Variants in DTX1 observed in about 807,000 individuals in gnomAD.
DTX1 encodes deltex E3 ubiquitin ligase 1.
Under a neutral mutation model 57.8 loss-of-function variants are expected in DTX1, and 26 were observed. The observed-to-expected ratio is 0.45, with a 90% CI of 0.33 to 0.62. The LOEUF is 0.62. DTX1 is among the 20% of genes least tolerant of loss of function. The probability of loss-of-function intolerance (pLI) is 0.02; values close to 1 mark genes in which losing one functional copy is unlikely to be tolerated. For synonymous variants in DTX1, 398 were observed against 394.1 expected (o/e 1.01, Z -0.12); for missense variants, 704 against 895.3 (o/e 0.79, Z 2.73).
At chr12:113,068,061 T>C (rs2044715756) in intron 2 of DTX1, among the ~76,000 whole-genome samples, 2 of 152,004 alleles carry the variant, frequency 1.3e-5, no homozygotes, top group Non-Finnish European at 2.9e-5. Context: ...AATAAATAAA[T>C]ACAGGTCACT....
At chr12:113,074,970 G>C (rs2044760618) in intron 2 of DTX1, among the ~76,000 whole-genome samples, 1 of 152,180 alleles carries the variant, frequency 6.6e-6, no homozygotes, top group Non-Finnish European at 1.5e-5. Context: ...GAGCAGAGCT[G>C]AGTTCAAGGT....
At chr12:113,087,117 G>C (rs908492680) in intron 3 of DTX1, among the ~76,000 whole-genome samples, 1 of 116,330 alleles carries the variant, frequency 8.6e-6, no homozygotes, top group Non-Finnish European at 2.0e-5. Flanking sequence ...CTGGAGGACC[G>C]GGAGGGTTGA....
intron 3 of DTX1, among the ~76,000 whole-genome samples, chr12:113,082,615 G>A (rs541892823): frequency 1.2e-4 from 18 of 152,188 alleles, no homozygotes; most frequent in African/African-American, 3.6e-4. Context: ...TGTTTTTAGA[G>A]ACAGAGCCTC....
At chr12:113,068,784 G>T (rs775561467) in intron 2 of DTX1, among the ~76,000 whole-genome samples, 7 of 152,236 alleles carry the variant, frequency 4.6e-5, no homozygotes, top group Admixed American at 3.3e-4. Context: ...ACATTGCAAA[G>T]GGTGGACACT....
intron 3 of DTX1, among the ~76,000 whole-genome samples, chr12:113,086,185 T>G (rs1191013761): frequency 6.6e-6 from 1 of 151,770 alleles, no homozygotes; most frequent in African/African-American, 2.4e-5. Flanking sequence ...GGAGGATCCC[T>G]TGAGCCCAGG....
At chr12:113,064,758 G>A (rs1476681203) in intron 2 of DTX1, among the ~76,000 whole-genome samples, 1 of 152,218 alleles carries the variant, frequency 6.6e-6, no homozygotes. Flanking sequence ...TAAAAGCTTG[G>A]AGGATACTAC....
intron 3 of DTX1, among the ~76,000 whole-genome samples, chr12:113,082,409 G>A (rs1043651741): frequency 6.6e-6 from 1 of 152,186 alleles, no homozygotes; most frequent in African/African-American, 2.4e-5. Context: ...AGGGGTGGCA[G>A]ACCCTGGCTT....
Position 113,095,177 on chromosome 12 carries a change from G to A in DTX1, c.1522G>A (p.Val508Ile), listed in dbSNP as rs762364786. ...CCCTGATACCCAGACCATCCGCATC[G>A]TCTATGACATCCCCACAGGCATCCA... is the stretch of plus-strand genomic sequence containing the variant. ...GFPDTQTIRI[V>I]YDIPTGIQGP... Residue 508 changes from valine to isoleucine, a missense_variant, in exon 8 of 10, where the codon GTC becomes ATC. By Grantham distance (29) the Val-to-Ile change is conservative. Coordinates refer to ENST00000548759, the MANE Select transcript of DTX1 (RefSeq NM_004416.3). 10 of 1,609,098 alleles carry A rather than the reference G, an allele frequency of 6.2e-6. No homozygotes were observed. In the East Asian group the frequency reaches 6.7e-5, roughly 11 times the overall value.
intron 2 of DTX1, among the ~76,000 whole-genome samples, chr12:113,067,685 C>A (rs1396267079): frequency 6.6e-6 from 1 of 152,164 alleles, no homozygotes; most frequent in African/African-American, 2.4e-5. Context: ...GTGGCCCCAC[C>A]CTTGGATATC....
In DTX1 at chr12:113,093,087, A is replaced by G. The variant is rs1363573277; in HGVS notation, c.942-75A>G. The G allele has an allele frequency of 2.0e-6, 3 of 1,491,150 alleles. No homozygotes were observed. The allele number at this position is 1,491,150 out of a possible 1,614,324, so 92.4% of individuals were successfully genotyped here. On this transcript the variant is annotated intron_variant, in intron 3 of 9. Coordinates refer to ENST00000548759, the MANE Select transcript of DTX1 (RefSeq NM_004416.3). The surrounding 1 kb of genome is among the most constrained non-coding windows in gnomAD (Gnocchi z 4.2). Reference sequence around the variant, plus strand: ...GGTGTGTGGCCCAGGAGCCAGAGACAGAAGGCAAGCCAGGTCCCCTGACGT... The same window carrying G: ...GGTGTGTGGCCCAGGAGCCAGAGACGGAAGGCAAGCCAGGTCCCCTGACGT...
Position 113,097,098 on chromosome 12 carries a change from G to A in DTX1, c.*159G>A. 4 of 770,756 alleles carry A rather than the reference G, an allele frequency of 5.2e-6. No homozygotes were observed. Among genetic ancestry groups the A allele is most frequent in the Non-Finnish European group, 6.1e-6 (3 of 493,776 alleles). The allele number at this position is 770,756 out of a possible 1,614,324, so 47.7% of individuals were successfully genotyped here. ...CCTGCCTGGTGGCAGCTGGGATGAA[G>A]AGAGATGGCATGTCAGGCTGGCCCC... is the stretch of plus-strand genomic sequence containing the variant. On this transcript the variant is annotated 3_prime_UTR_variant, in exon 10 of 10. Coordinates refer to ENST00000548759, the MANE Select transcript of DTX1 (RefSeq NM_004416.3).
rs372573770 is a variant in DTX1 at position 113,077,375 on chromosome 12, G to T, written c.260-49G>T. On this transcript the variant is annotated intron_variant, in intron 2 of 9. Transcript: ENST00000548759. The surrounding 1 kb of genome is among the most constrained non-coding windows in gnomAD (Gnocchi z 7.8). ...GGCTGTGGCCCGCCCTTCCAGCCGC[G>T]CAGACCAACGCCCGCTGTGCTGACG... 2 of 1,526,920 alleles carry T rather than the reference G, an allele frequency of 1.3e-6. No individual in the cohort carries two copies. The highest frequency in any genetic ancestry group is 1.9e-5 in the Admixed American group (1 of 52,202). The allele number at this position is 1,526,920 out of a possible 1,614,324, so 94.6% of individuals were successfully genotyped here. A position where few individuals can be genotyped will look rare whatever the true frequency, so the allele number is the denominator to read the frequency against.
rs1258965645 is a variant in DTX1 at position 113,093,070 on chromosome 12, GC to G, written c.942-89del. On this transcript the variant is annotated intron_variant, in intron 3 of 9. Transcript: ENST00000548759. The surrounding 1 kb of genome is among the most constrained non-coding windows in gnomAD (Gnocchi z 4.2). ...AGGTACAAAGAGGCCAGGGTGTGTG[GC>G]CCAGGAGCCAGAGACAGAAGGCAAG... 7.6e-7 allele frequency: 1 copy of G among 1,323,156 alleles called. No individual in the cohort carries two copies. The highest frequency in any genetic ancestry group is 1.5e-5 in the African/African-American group (1 of 68,432). 82.0% of individuals were successfully genotyped at this position (1,323,156 alleles called of 1,614,324 possible).
At chr12:113,095,238 C>T (rs1427667803) in intron 8 of DTX1, 35 bp downstream of exon 8, 2 of 1,606,062 alleles carry the variant, frequency 1.2e-6, no homozygotes, top group South Asian at 2.2e-5. Flanking sequence ...GCCCCCAGCC[C>T]CCACACCCCT....
chr12:113,068,006 T>C (rs1352837100), intron 2 of DTX1, among the ~76,000 whole-genome samples: 2 of 152,090 alleles, frequency 1.3e-5, no homozygotes, highest in Non-Finnish European at 2.9e-5. Flanking sequence ...ACCACTGCAA[T>C]CCACCCTGGG....
At chr12:113,094,694 G>A in intron 6 of DTX1, 95 bp from the exon 7 acceptor site, 2 of 1,471,800 alleles carry the variant, frequency 1.4e-6, no homozygotes, top group Non-Finnish European at 1.8e-6. Context: ...GAGAGAGTGT[G>A]GTCTGCTGCC....
At chr12:113,065,212 C>A (rs1011381235) in intron 2 of DTX1, among the ~76,000 whole-genome samples, 1 of 152,282 alleles carries the variant, frequency 6.6e-6, no homozygotes, top group African/African-American at 2.4e-5. Context: ...GCAGGGGCAG[C>A]CTCAGGCACT....
rs146326583 is a variant in DTX1 at position 113,070,505 on chromosome 12, G to A, written c.260-6919G>A. ...AGCTGGCCCAGCCCAGAGAGGAACC[G>A]TTTAGAGGCTGAGGGACCAGCAGGA... On this transcript the variant is annotated intron_variant, in intron 2 of 9. Transcript: ENST00000548759. 1.9e-3 allele frequency among the ~76,000 whole-genome samples: 282 copies of A among 152,316 alleles called. 1 individual carries two copies. The highest frequency in any genetic ancestry group is 6.1e-3 in the African/African-American group (255 of 41,572).
intron 2 of DTX1, among the ~76,000 whole-genome samples, chr12:113,071,574 C>T (rs1181085716): frequency 2.0e-5 from 3 of 152,384 alleles, no homozygotes; most frequent in Middle Eastern, 3.4e-3. Flanking sequence ...CAGCCTCTTT[C>T]CCAGGCTGAA....
Sources: gnomAD v4.1 joint callset for allele counts (sites outside exome capture counted in the v4.1 genomes callset) on GRCh38, gnomAD v4.1.1 for gene constraint, Gnocchi (gnomAD v3.1) non-coding constraint, MANE v1.5 for transcripts, NCBI Gene and HGNC (gene_info 2026-07-23, HGNC 2026-07-21) for gene names.